The following PTPRZ1 variants were observed in gnomAD, a reference collection of about 807,000 sequenced individuals.
PTPRZ1 encodes the protein receptor-type tyrosine-protein phosphatase zeta.
PTPRZ1 carries 82 observed loss-of-function variants against 214.1 expected under a neutral mutation model. The ratio of observed to expected loss-of-function variants is 0.38; its 90% CI spans 0.32 to 0.46. PTPRZ1 has a LOEUF of 0.46. Ranked by LOEUF, PTPRZ1 falls within the 20% of genes least tolerant of loss-of-function variation. PTPRZ1 has a pLI of 1.00. For synonymous variants in PTPRZ1, 945 were observed against 987.9 expected (o/e 0.96, Z 0.81); for missense variants, 2,603 against 2,748.7 (o/e 0.95, Z 1.19).
intron 1 of PTPRZ1, among the ~76,000 whole-genome samples, chr7:121,921,480 T>C (rs1473695195): frequency 6.6e-6 from 1 of 152,162 alleles, no homozygotes; most frequent in South Asian, 2.1e-4. Context: ...GTTCAAACTT[T>C]CCATCTCCTT....
chr7:122,055,877 A>G (rs1792335253), intron 27 of PTPRZ1, among the ~76,000 whole-genome samples: 1 of 151,902 alleles, frequency 6.6e-6, no homozygotes, highest in African/African-American at 2.4e-5. Flanking sequence ...AAACTAGTAC[A>G]TATATGGTAT....
At chr7:121,964,993 G>A (rs965188120) in intron 2 of PTPRZ1, among the ~76,000 whole-genome samples, 1 of 152,126 alleles carries the variant, frequency 6.6e-6, no homozygotes. Context: ...CCATAACAAG[G>A]AGCTCATGTT....
intron 22 of PTPRZ1, among the ~76,000 whole-genome samples, chr7:122,043,002 A>G (rs539140153): frequency 3.9e-5 from 6 of 152,254 alleles, no homozygotes; most frequent in African/African-American, 1.2e-4. Context: ...TTCCAGTCTC[A>G]GTCTTCACTT....
intron 2 of PTPRZ1, chr7:121,967,069 T>C (rs1797068407): frequency 6.6e-6 from 1 of 152,124 alleles, no homozygotes; most frequent in African/African-American, 2.4e-5. Flanking sequence ...AATATACCTG[T>C]GCTTAGCACT....
intron 2 of PTPRZ1, among the ~76,000 whole-genome samples, chr7:121,940,849 A>C (rs1369433734): frequency 6.6e-6 from 1 of 151,362 alleles, no homozygotes; most frequent in Non-Finnish European, 1.5e-5. Context: ...TAATGGCTTT[A>C]ATGAGCTGGC....
At chr7:122,036,513 T>G (rs909018084) in intron 17 of PTPRZ1, 87 bp from the exon 18 acceptor site, 2 of 905,394 alleles carry the variant, frequency 2.2e-6, no homozygotes, top group Admixed American at 2.4e-5. Context: ...TTTAATTGAA[T>G]GAAATAAATT....
chr7:122,002,494 C>A (rs1798360963), intron 10 of PTPRZ1, among the ~76,000 whole-genome samples: 1 of 152,074 alleles, frequency 6.6e-6, no homozygotes, highest in Non-Finnish European at 1.5e-5. Context: ...TGGATTAAAA[C>A]CCTGTATTGT....
Position 122,013,030 on chromosome 7 carries a change from T to A in PTPRZ1, c.3984T>A (p.Asn1328Lys), listed in dbSNP as rs542334303. Residue 1328 changes from asparagine (N) to lysine (K), a missense_variant, in exon 12 of 30, where the codon AAT (asparagine) becomes AAA (lysine). Physicochemically the swap from Asn to Lys is moderately conservative, Grantham distance 94. This residue lies in a region of PTPRZ1 where 1,913 missense variants were observed against 1,914.3 expected (regional missense o/e 1.00). Transcript: ENST00000393386. ...SIDEPLNTLI[N>K]KLIHSDEILT... ...ATGAACCATTAAATACACTAATAAATAAGCTTATACATTCCGATGAAATTT... is the reference window on the plus strand; with the variant it reads ...ATGAACCATTAAATACACTAATAAAAAAGCTTATACATTCCGATGAAATTT... The A allele has an allele frequency of 4.3e-6, 7 of 1,613,974 alleles. No homozygotes were observed. The South Asian group carries it at 7.7e-5, about 18-fold the overall frequency.
chr7:122,006,781 A>G (rs1335242102), intron 11 of PTPRZ1, among the ~76,000 whole-genome samples: 1 of 152,102 alleles, frequency 6.6e-6, no homozygotes, highest in Non-Finnish European at 1.5e-5. Flanking sequence ...GCCACACTCA[A>G]GTGGAGTCAT....
At chr7:121,995,343 A>G (rs1488223327) in intron 8 of PTPRZ1, among the ~76,000 whole-genome samples, 1 of 152,210 alleles carries the variant, frequency 6.6e-6, no homozygotes, top group Admixed American at 6.5e-5. Context: ...AAGTAAGTAT[A>G]TTAATTAATA....
At chr7:121,900,914 T>C (rs560197241) in intron 1 of PTPRZ1, among the ~76,000 whole-genome samples, 59 of 152,318 alleles carry the variant, frequency 3.9e-4, no homozygotes, top group Non-Finnish European at 7.2e-4. Context: ...CCATTTATCA[T>C]GTAGTTCAAC....
At chr7:121,884,655 C>T (rs1349037328) in intron 1 of PTPRZ1, among the ~76,000 whole-genome samples, 1 of 152,154 alleles carries the variant, frequency 6.6e-6, no homozygotes, top group African/African-American at 2.4e-5. Flanking sequence ...GTTTGTTGAA[C>T]ATTTACTGTG....
chr7:121,908,833 G>T (rs1183169223), intron 1 of PTPRZ1: 1 of 490,090 alleles, frequency 2.0e-6, no homozygotes, highest in Non-Finnish European at 4.0e-6. Context: ...GAATGGGAAA[G>T]TCCAAATATA....
intron 25 of PTPRZ1, among the ~76,000 whole-genome samples, chr7:122,053,101 G>A (rs920087549): frequency 1.3e-5 from 2 of 152,070 alleles, no homozygotes; most frequent in Admixed American, 6.5e-5. Flanking sequence ...GACCCTGAAG[G>A]GTTCATGGCA....
At chr7:121,932,982 G>C (rs1361503105) in intron 2 of PTPRZ1, among the ~76,000 whole-genome samples, 1 of 152,082 alleles carries the variant, frequency 6.6e-6, no homozygotes, top group African/African-American at 2.4e-5. Context: ...AGCAAGGCTT[G>C]CTTGTCACTT....
chr7:122,053,748 G>T (rs543298041), intron 25 of PTPRZ1, among the ~76,000 whole-genome samples, 162 bp from the exon 26 acceptor site: 1 of 152,142 alleles, frequency 6.6e-6, no homozygotes, highest in East Asian at 1.9e-4. Flanking sequence ...AACATACAAA[G>T]TGCCCAGTAA....
In PTPRZ1 at chr7:121,976,243, T is replaced by A; in HGVS notation, c.527T>A (p.Leu176Ter). Residue 176 changes from leucine to a stop codon, truncating the protein, a stop_gained, in exon 5 of 30, where the codon TTA becomes TAA. Transcript: ENST00000393386. LOFTEE classifies it high-confidence loss of function. ...FEEAVKGKGK[L>*]RALSILFEVG... Reference sequence around the variant, plus strand: ...GAAGCAGTCAAAGGAAAAGGGAAGTTAAGAGCTTTATCCATTTTGTTTGAG... The same window carrying A: ...GAAGCAGTCAAAGGAAAAGGGAAGTAAAGAGCTTTATCCATTTTGTTTGAG... 6.2e-7 allele frequency: 1 copy of A among 1,607,194 alleles called. No individual in the cohort carries two copies. The highest frequency in any genetic ancestry group is 1.1e-5 in the South Asian group (1 of 90,490).
chr7:121,910,554 AGCTATTAAATGGT>A (rs1269003400), intron 1 of PTPRZ1, among the ~76,000 whole-genome samples: 1 of 151,960 alleles, frequency 6.6e-6, no homozygotes, highest in Admixed American at 6.6e-5. Context: ...TATTTCAGTA[AGCTATTAAATGGT>A]GCTTGGCATA....
At chr7:121,956,073 C>T (rs975168719) in intron 2 of PTPRZ1, among the ~76,000 whole-genome samples, 1 of 151,990 alleles carries the variant, frequency 6.6e-6, no homozygotes, top group Non-Finnish European at 1.5e-5. Context: ...CATCCTCTCG[C>T]CAGAACTTCC....
Sources: allele counts gnomAD v4.1 joint callset (sites outside exome capture counted in the v4.1 genomes callset), GRCh38; gene constraint gnomAD v4.1.1; regional missense constraint gnomAD v4.1.1; transcripts MANE v1.5; gene names NCBI Gene and HGNC (gene_info 2026-07-23, HGNC 2026-07-21).